Variants in COBL observed in about 807,000 individuals in gnomAD.
COBL encodes protein cordon-bleu.
Under a neutral mutation model 98.8 loss-of-function variants are expected in COBL, and 51 were observed. The ratio of observed to expected loss-of-function variants is 0.52; its 90% CI spans 0.41 to 0.65. The LOEUF (loss-of-function observed/expected upper bound fraction) is 0.65. Among genes scored for constraint, COBL ranks in the 30% least tolerant of loss-of-function variants. COBL has a pLI of 0.00. For missense variants in COBL, 1,617 were observed against 1,617.5 expected, an observed-to-expected ratio of 1.00 and a Z score of 0.01; for synonymous variants, 634 against 651.7, an observed-to-expected ratio of 0.97 and a Z score of 0.41.
intron 1 of COBL, among the ~76,000 whole-genome samples, chr7:51,302,186 C>T (rs561717330): frequency 6.6e-5 from 10 of 152,176 alleles, no homozygotes; most frequent in Non-Finnish European, 1.5e-4. Context: ...GAGGGGGTCA[C>T]ATAAATAAAG....
intron 6 of COBL, among the ~76,000 whole-genome samples, chr7:51,102,339 C>T (rs968699364): frequency 6.6e-6 from 1 of 152,250 alleles, no homozygotes; most frequent in Non-Finnish European, 1.5e-5. Context: ...TTTCTTTGGT[C>T]TCATAATCTC....
intron 5 of COBL, among the ~76,000 whole-genome samples, chr7:51,149,075 C>T (rs1049667076): frequency 3.9e-5 from 6 of 152,166 alleles, no homozygotes; most frequent in Non-Finnish European, 5.9e-5. Context: ...ACCCCAAGCC[C>T]GAAGGGGCAT....
At position 51,290,737 on chromosome 7, in the gene COBL, T is replaced by C. The variant is rs142290677; in HGVS notation, c.41+25856A>G. Among the ~76,000 whole-genome samples the C allele has an allele frequency of 4.8e-3, 727 of 152,152 alleles. 5 individuals carry two copies. Among genetic ancestry groups the C allele is most frequent in the African/African-American group, 0.016 (675 of 41,512 alleles). ...CAAATAATAACCCTGAATACTAATATGCTAAATCCCACTTCCCCCAGACAC... is the reference window on the plus strand; with the variant it reads ...CAAATAATAACCCTGAATACTAATACGCTAAATCCCACTTCCCCCAGACAC... On this transcript the variant is annotated intron_variant, in intron 1 of 12. Coordinates refer to ENST00000265136, the MANE Select transcript of COBL (RefSeq NM_015198.5).
chr7:51,058,590 A>AACAACAACACG (rs1177711448), intron 7 of COBL, among the ~76,000 whole-genome samples: 1 of 120,374 alleles, frequency 8.3e-6, no homozygotes, highest in African/African-American at 2.8e-5. Context: ...ACAACAACAC[A>AACAACAACACG]ACCCCCCAAA....
At chr7:51,219,415 T>C (rs1308553031) in intron 2 of COBL, among the ~76,000 whole-genome samples, 2 of 152,192 alleles carry the variant, frequency 1.3e-5, no homozygotes, top group Non-Finnish European at 2.9e-5. Context: ...ACACTGTGGC[T>C]GCTGTCCCAC....
chr7:51,094,157 A>G (rs942006909), intron 6 of COBL, among the ~76,000 whole-genome samples: 7 of 152,066 alleles, frequency 4.6e-5, no homozygotes, highest in Non-Finnish European at 1.0e-4. Context: ...GTTCTCACTT[A>G]TATGTGGAAT....
intron 2 of COBL, among the ~76,000 whole-genome samples, chr7:51,195,579 G>T (rs573262369): frequency 1.3e-5 from 2 of 152,262 alleles, no homozygotes; most frequent in East Asian, 3.9e-4. Flanking sequence ...AATAGGCATA[G>T]CATTAAATCT....
chr7:51,043,908 C>A (rs960156758), intron 7 of COBL, among the ~76,000 whole-genome samples: 2 of 152,172 alleles, frequency 1.3e-5, no homozygotes, highest in South Asian at 2.1e-4. Context: ...AATTTTCCCT[C>A]AAAAATCAGT....
At chr7:51,080,501 C>G (rs1044930858) in intron 7 of COBL, among the ~76,000 whole-genome samples, 1 of 152,188 alleles carries the variant, frequency 6.6e-6, no homozygotes, top group Non-Finnish European at 1.5e-5. Flanking sequence ...AGAAACCCCT[C>G]TGTACCGCTT....
At chr7:51,185,503 C>T (rs1789402432) in intron 4 of COBL, among the ~76,000 whole-genome samples, 1 of 152,218 alleles carries the variant, frequency 6.6e-6, no homozygotes, top group South Asian at 2.1e-4. Flanking sequence ...TCACACAGCT[C>T]AGCACACTGC....
At chr7:51,212,459 C>T (rs539316716) in intron 2 of COBL, among the ~76,000 whole-genome samples, 2 of 152,256 alleles carry the variant, frequency 1.3e-5, no homozygotes, top group Admixed American at 1.3e-4. Flanking sequence ...CAGACCCTGG[C>T]CAATTAATGA....
chr7:51,274,486 C>A (rs186240721), intron 1 of COBL, among the ~76,000 whole-genome samples: 150 of 152,338 alleles, frequency 9.8e-4, no homozygotes, highest in African/African-American at 3.5e-3. Flanking sequence ...GCCAAGCTGA[C>A]CATTCATTAT....
chr7:51,064,109 C>T (rs1037256393), intron 7 of COBL, among the ~76,000 whole-genome samples: 1 of 152,218 alleles, frequency 6.6e-6, no homozygotes, highest in Non-Finnish European at 1.5e-5. Context: ...CAATCAAACA[C>T]AGTAATCCTG....
intron 1 of COBL, among the ~76,000 whole-genome samples, chr7:51,269,554 T>C (rs1798568423): frequency 6.6e-6 from 1 of 152,204 alleles, no homozygotes; most frequent in East Asian, 1.9e-4. Context: ...GTGGGCTCCA[T>C]GTCACAGCCC....
intron 1 of COBL, among the ~76,000 whole-genome samples, chr7:51,282,091 A>G (rs1799866302): frequency 6.6e-6 from 1 of 152,142 alleles, no homozygotes; most frequent in African/African-American, 2.4e-5. Flanking sequence ...ATACTAAAAA[A>G]TCTCAAACAA....
chr7:51,076,567 T>A (rs1010586123), intron 7 of COBL, among the ~76,000 whole-genome samples: 1 of 152,264 alleles, frequency 6.6e-6, no homozygotes, highest in East Asian at 1.9e-4. Context: ...TTGATCAAAC[T>A]CAAGATACTC....
At chr7:51,069,715 A>G (rs1376289556) in intron 7 of COBL, among the ~76,000 whole-genome samples, 3 of 152,218 alleles carry the variant, frequency 2.0e-5, no homozygotes, top group African/African-American at 7.2e-5. Context: ...GGATGTCTTT[A>G]TATTCCTCCC....
At chr7:51,080,524 C>T (rs1224004588) in intron 7 of COBL, among the ~76,000 whole-genome samples, 2 of 152,180 alleles carry the variant, frequency 1.3e-5, no homozygotes, top group African/African-American at 4.8e-5. Flanking sequence ...GGTGGTAAGG[C>T]CTCCTGCCTC....
intron 1 of COBL, among the ~76,000 whole-genome samples, chr7:51,314,729 T>C (rs1020204468): frequency 2.0e-5 from 3 of 152,210 alleles, no homozygotes; most frequent in Non-Finnish European, 2.9e-5. Flanking sequence ...GACAAAGATG[T>C]TCGGACAAGT....
Sources: allele counts gnomAD v4.1 joint callset (sites outside exome capture counted in the v4.1 genomes callset), GRCh38; gene constraint gnomAD v4.1.1; transcripts MANE v1.5; gene names NCBI Gene and HGNC (gene_info 2026-07-23, HGNC 2026-07-21).